NCR1: variants seen among roughly 807,000 people sequenced by gnomAD.
NCR1 encodes the protein NK cell-activating receptor.
NCR1 carries 30 observed loss-of-function variants against 32.5 expected under a neutral mutation model. That is an observed-to-expected ratio of 0.92 (90% CI 0.69 to 1.25). The LOEUF is 1.25. Among genes scored for constraint, NCR1 ranks in the 50% most tolerant of loss-of-function variants. NCR1 has a pLI of 0.00. For missense variants in NCR1, 369 were observed against 380.7 expected (o/e 0.97, Z 0.26); for synonymous variants, 169 against 143.4 (o/e 1.18, Z -1.28).
chr19:54,908,973 T>C (rs1289090707), intron 3 of NCR1, among the ~76,000 whole-genome samples: 2 of 145,070 alleles, frequency 1.4e-5, no homozygotes, highest in Admixed American at 1.4e-4. Flanking sequence ...AAATCTTCTA[T>C]TGTGTGTATT....
chr19:54,899,475 G>C, the NCR1 span, among the ~76,000 whole-genome samples: 2 of 152,202 alleles, frequency 1.3e-5, no homozygotes, highest in African/African-American at 4.8e-5. Context: ...CAGAAAAGCG[G>C]GAAAGGGGTC....
At chr19:54,926,206 G>T in the NCR1 span, among the ~76,000 whole-genome samples, 1 of 29,762 alleles carries the variant, frequency 3.4e-5, no homozygotes, top group Non-Finnish European at 5.6e-5. Flanking sequence ...ATGATTAGGG[G>T]TGTGTGTGTG....
chr19:54,934,381 A>G, the NCR1 span: 723 of 1,119,970 alleles, frequency 6.5e-4, 2 homozygotes, highest in African/African-American at 9.8e-3. This position sits in a 1 kb window ranked among gnomAD's most constrained non-coding sequence, Gnocchi z 6.7. Flanking sequence ...GCAGGTGTTT[A>G]TTTCAGCAAG....
At chr19:54,917,991 C>T (rs2068168606), downstream of NCR1, among the ~76,000 whole-genome samples, 1 of 152,156 alleles carries the variant, frequency 6.6e-6, no homozygotes, top group South Asian at 2.1e-4. Flanking sequence ...GAGTCTTGCT[C>T]TGTCGCCCAG....
At chr19:54,931,666 C>G in the NCR1 span, among the ~76,000 whole-genome samples, 3 of 144,856 alleles carry the variant, frequency 2.1e-5, no homozygotes, top group South Asian at 2.2e-4. Flanking sequence ...CCAGCCTGGG[C>G]AAGAGCGAAA....
chr19:54,904,449 T>C (rs1045064745), upstream of NCR1, among the ~76,000 whole-genome samples: 9 of 151,930 alleles, frequency 5.9e-5, no homozygotes, highest in South Asian at 2.1e-4. Flanking sequence ...AATAGGTAGA[T>C]TTTCAAGCCT....
chr19:54,918,940 C>T (rs1365002436), downstream of NCR1, among the ~76,000 whole-genome samples: 1 of 149,188 alleles, frequency 6.7e-6, no homozygotes, highest in African/African-American at 2.5e-5. Flanking sequence ...GCCAAGATCA[C>T]ACCATTGCAC....
the NCR1 span, chr19:54,933,778 A>G: frequency 1.9e-6 from 3 of 1,581,006 alleles, no homozygotes; most frequent in Non-Finnish European, 2.6e-6. Flanking sequence ...GGATGAGAAC[A>G]TTTCCACAAC....
the NCR1 span, chr19:54,938,155 G>C: frequency 6.2e-7 from 1 of 1,614,024 alleles, no homozygotes; most frequent in South Asian, 1.1e-5. Flanking sequence ...GTTGCTGTTT[G>C]AGCTGAAGAG....
At chr19:54,902,077 G>C (rs1490087480), upstream of NCR1, among the ~76,000 whole-genome samples, 1 of 152,208 alleles carries the variant, frequency 6.6e-6, no homozygotes, top group Non-Finnish European at 1.5e-5. Flanking sequence ...AAAGTGGATA[G>C]ATCAGACAAT....
chr19:54,921,331 A>C, the NCR1 span, among the ~76,000 whole-genome samples: 14 of 152,114 alleles, frequency 9.2e-5, no homozygotes, highest in East Asian at 5.8e-4. Flanking sequence ...GTAGCCTTAA[A>C]CACCACAGTG....
At chr19:54,937,973 T>C in the NCR1 span, 4 of 1,230,822 alleles carry the variant, frequency 3.2e-6, no homozygotes, top group Non-Finnish European at 3.6e-6. Context: ...CATTTCCAAA[T>C]TTAAAAAACA....
At chr19:54,903,369 T>TGTGTACACAC (rs1569535539), upstream of NCR1, among the ~76,000 whole-genome samples, 3 of 133,332 alleles carry the variant, frequency 2.3e-5, 1 homozygote, top group Admixed American at 2.3e-4. Context: ...CATACATGTA[T>TGTGTACACAC]ATATACATGT....
chr19:54,903,648 CATATATGT>C (rs972024932), upstream of NCR1, among the ~76,000 whole-genome samples: 2 of 133,634 alleles, frequency 1.5e-5, no homozygotes, highest in African/African-American at 2.8e-5. Context: ...TATATATACA[CATATATGT>C]ATATATGTAT....
chr19:54,903,372 A>G (rs940961642), upstream of NCR1, among the ~76,000 whole-genome samples: 2 of 126,430 alleles, frequency 1.6e-5, no homozygotes, highest in Admixed American at 1.6e-4. Context: ...ACATGTATAT[A>G]TACATGTATG....
At chr19:54,903,522 G>GTA (rs1556716703), upstream of NCR1, among the ~76,000 whole-genome samples, 3 of 130,484 alleles carry the variant, frequency 2.3e-5, 1 homozygote, top group African/African-American at 5.7e-5. Context: ...ATACATGTGT[G>GTA]TATACATATA....
rs1165443777 is a variant in NCR1, at chr19:54,910,059, T to C, written c.676T>C (p.Phe226Leu). ...NTSLAPEDPT[F>L]PADTWGTYLL... ...CAGCCTTGCACCTGAAGACCCCACC[T>C]TTCCTGGTGAGTAACTGGTCCTTCT... Residue 226 changes from phenylalanine (F) to leucine (L), a missense_variant, in exon 5 of 7, where the codon TTT (phenylalanine) becomes CTT (leucine). Coordinates refer to ENST00000291890, the MANE Select transcript of NCR1 (RefSeq NM_004829.7). 2 of 1,613,744 alleles carry C rather than the reference T, an allele frequency of 1.2e-6. No individual in the cohort carries two copies.
chr19:54,904,443 G>C (rs966810518), upstream of NCR1, among the ~76,000 whole-genome samples: 2 of 151,670 alleles, frequency 1.3e-5, no homozygotes, highest in East Asian at 1.9e-4. Context: ...TCACCAAATA[G>C]GTAGATTTTC....
intron 6 of NCR1, among the ~76,000 whole-genome samples, 184 bp downstream of exon 6, chr19:54,912,402 G>C (rs1000312623): frequency 6.6e-6 from 1 of 151,796 alleles, no homozygotes; most frequent in Non-Finnish European, 1.5e-5. Context: ...TTCAAGACCA[G>C]TCTGGCCAAC....
Sources: gnomAD v4.1 joint callset for allele counts (sites outside exome capture counted in the v4.1 genomes callset) on GRCh38, gnomAD v4.1.1 for gene constraint, Gnocchi (gnomAD v3.1) non-coding constraint, MANE v1.5 for transcripts, NCBI Gene and HGNC (gene_info 2026-07-23, HGNC 2026-07-21) for gene names.